Variants in SPOCK2 observed in about 807,000 individuals in gnomAD.
SPOCK2 encodes the protein SPARC (osteonectin), cwcv and kazal like domains proteoglycan 2.
In SPOCK2, 39 loss-of-function variants were observed where a neutral mutation model predicts 60.1. The observed-to-expected ratio is 0.65, with a 90% CI of 0.50 to 0.85. The LOEUF is 0.85. Among genes scored for constraint, SPOCK2 ranks in the 40% least tolerant of loss-of-function variants. SPOCK2 has a pLI of 0.00. For missense variants in SPOCK2, 523 were observed against 567.4 expected (o/e 0.92, Z 0.80); for synonymous variants, 217 against 231.5 (o/e 0.94, Z 0.57).
In SPOCK2 at chr10:72,072,483, C is replaced by G; in HGVS notation, c.244+20G>C. On this transcript the variant is annotated intron_variant, in intron 3 of 10. Coordinates refer to ENST00000373109, the MANE Select transcript of SPOCK2 (RefSeq NM_001244950.2). The stretch of plus-strand genomic sequence containing the variant: ...TTCACACGTGTCAGTCACCTTCCCC[C>G]GCCGGGAGAGTCATGTTACCTTCAT... 6.2e-7 allele frequency: 1 copy of G among 1,613,900 alleles called. No homozygotes were observed. The highest frequency in any genetic ancestry group is 8.5e-7 in the Non-Finnish European group (1 of 1,180,004).
chr10:72,087,833 C>T lies in SPOCK2; in HGVS notation c.189+307G>A, dbSNP rs995605112. On this transcript the variant is annotated intron_variant, in intron 1 of 10. Transcript: ENST00000373109. The surrounding 1 kb of genome is among the most constrained non-coding windows in gnomAD (Gnocchi z 4.7). Reference sequence around the variant, plus strand: ...GCGGCAGCCGGGGTCCGGGTCCCCCCGGCCCCGCACCCCTTCCCACTCCCG... The same window carrying T: ...GCGGCAGCCGGGGTCCGGGTCCCCCTGGCCCCGCACCCCTTCCCACTCCCG... Among the ~76,000 whole-genome samples the T allele has an allele frequency of 3.3e-5, 5 of 152,104 alleles. No homozygotes were observed. Among genetic ancestry groups the T allele is most frequent in the African/African-American group, 9.7e-5 (4 of 41,442 alleles).
At chr10:72,083,944 GGT>G (rs1375091988) in intron 1 of SPOCK2, among the ~76,000 whole-genome samples, 12 of 152,138 alleles carry the variant, frequency 7.9e-5, no homozygotes, top group African/African-American at 2.9e-4. Context: ...CAGTGGTTTA[GGT>G]GTGTGGGGTG....
chr10:72,088,468 G>A lies in SPOCK2; in HGVS notation c.-140C>T. ...CTGCCTCCGGTGACTGGCGGAGAGT[G>A]GGTCGCGGCTGAAATGTGACCTGGT... On this transcript the variant is annotated 5_prime_UTR_variant, in exon 1 of 11. Coordinates refer to ENST00000373109, the MANE Select transcript of SPOCK2 (RefSeq NM_001244950.2). 1 of 1,022,550 alleles carries A rather than the reference G, an allele frequency of 9.8e-7. No homozygotes were observed. Among genetic ancestry groups the A allele is most frequent in the Non-Finnish European group, 1.4e-6 (1 of 725,796 alleles). The allele number at this position is 1,022,550 out of a possible 1,614,324, so 63.3% of individuals were successfully genotyped here.
intron 8 of SPOCK2, 83 bp from the exon 9 acceptor site, chr10:72,064,323 A>C: frequency 1.4e-6 from 2 of 1,391,020 alleles, no homozygotes; most frequent in South Asian, 1.5e-5. Context: ...TTAGAGACCC[A>C]GGCAGGGGCT....
At chr10:72,088,580 C>T (rs1840899250), upstream of SPOCK2, 1 of 433,968 alleles carries the variant, frequency 2.3e-6, no homozygotes, top group Non-Finnish European at 4.1e-6. Flanking sequence ...GGGGCTGTAA[C>T]TGTAGCATCA....
Position 72,062,744 on chromosome 10 carries a change from C to T in SPOCK2, c.*16G>A, listed in dbSNP as rs753916237. 2.0e-5 allele frequency: 32 copies of T among 1,591,550 alleles called. No individual in the cohort carries two copies. Among genetic ancestry groups the T allele is most frequent in the East Asian group, 1.6e-4 (7 of 44,772 alleles). ...CTGCTGTTGAGTCCCCCCCGGCAGC[C>T]GGCTCCTGAGGGCGTCTACCAGATG... On this transcript the variant is annotated 3_prime_UTR_variant, in exon 11 of 11. Coordinates refer to ENST00000373109, the MANE Select transcript of SPOCK2 (RefSeq NM_001244950.2). The surrounding 1 kb of genome is among the most constrained non-coding windows in gnomAD (Gnocchi z 4.3).
rs1318862525 is a variant in SPOCK2, at chr10:72,063,183, C to T, written c.992-21G>A. 4 of 1,554,510 alleles carry T rather than the reference C, an allele frequency of 2.6e-6. No homozygotes were observed. In the African/African-American group the frequency reaches 4.1e-5, roughly 16 times the overall value. On this transcript the variant is annotated intron_variant, in intron 9 of 10. Transcript: ENST00000373109. ...GATGCCTGAATGAGACAGTGCCAGG[C>T]AGGGTCAGAGCAGGGGCCCAGGCTG...
chr10:72,079,400 G>C (rs1169366033), intron 1 of SPOCK2, among the ~76,000 whole-genome samples: 1 of 152,144 alleles, frequency 6.6e-6, no homozygotes, highest in African/African-American at 2.4e-5. Flanking sequence ...ACACCTGGGG[G>C]CCCCCGTTCT....
intron 1 of SPOCK2, among the ~76,000 whole-genome samples, chr10:72,081,908 C>A (rs961834762): frequency 1.3e-5 from 2 of 152,120 alleles, no homozygotes; most frequent in African/African-American, 2.4e-5. Context: ...TGGATGAGAT[C>A]CTGTCTGGCT....
rs985058574 is a variant in SPOCK2 at position 72,059,418 on chromosome 10, G to T, written c.*3342C>A. The T allele has an allele frequency of 1.3e-5, 2 of 152,228 alleles. No individual in the cohort carries two copies. The highest frequency in any genetic ancestry group is 4.8e-5 in the African/African-American group (2 of 41,446). 9.4% of individuals were successfully genotyped at this position (152,228 alleles called of 1,614,324 possible). ...ATTGCACATCACACAGTTTAAGCAG[G>T]CTTCAGGCTGGAAAGCAGTTTGCTC... On this transcript the variant is annotated 3_prime_UTR_variant, in exon 11 of 11. Transcript: ENST00000373109.
At position 72,062,545 on chromosome 10, in the gene SPOCK2, A is replaced by T; in HGVS notation, c.*215T>A. 1 of 853,922 alleles carries T rather than the reference A, an allele frequency of 1.2e-6. No individual in the cohort carries two copies. Among genetic ancestry groups the T allele is most frequent in the Non-Finnish European group, 1.7e-6 (1 of 574,598 alleles). 52.9% of individuals were successfully genotyped at this position (853,922 alleles called of 1,614,324 possible). On this transcript the variant is annotated 3_prime_UTR_variant, in exon 11 of 11. Transcript: ENST00000373109. The surrounding 1 kb of genome is among the most constrained non-coding windows in gnomAD (Gnocchi z 4.3). ...ACATTTGTCAGCGCATGCCACACACACACACACATACACACATGCATGCAC... is the reference window on the plus strand; with the variant it reads ...ACATTTGTCAGCGCATGCCACACACTCACACACATACACACATGCATGCAC...
intron 1 of SPOCK2, among the ~76,000 whole-genome samples, chr10:72,077,492 G>A (rs1840728266): frequency 6.6e-6 from 1 of 152,126 alleles, no homozygotes; most frequent in African/African-American, 2.4e-5. Flanking sequence ...AATCCCATGG[G>A]TGGTACCCAG....
In SPOCK2 at chr10:72,087,370, G is replaced by GCTTCTGGA. The variant is rs1308162574; in HGVS notation, c.189+762_189+769dup. On this transcript the variant is annotated intron_variant, in intron 1 of 10. Transcript: ENST00000373109. This position sits in a 1 kb window ranked among gnomAD's most constrained non-coding sequence, Gnocchi z 4.7. ...CGCCCGCCGGGGGCCCCCAAACCCA[G>GCTTCTGGA]CTTCTGGACTCTCCCCGGCTTCTCA... 8.5e-5 allele frequency among the ~76,000 whole-genome samples: 13 copies of GCTTCTGGA among 152,212 alleles called. No homozygotes were observed. Among genetic ancestry groups the GCTTCTGGA allele is most frequent in the African/African-American group, 2.9e-4 (12 of 41,544 alleles).
In SPOCK2 at chr10:72,063,045, G is replaced by T. The variant is rs564644987; in HGVS notation, c.1109C>A (p.Thr370Lys). 4 of 1,553,860 alleles carry T rather than the reference G, an allele frequency of 2.6e-6. No individual in the cohort carries two copies. Among genetic ancestry groups the T allele is most frequent in the African/African-American group, 2.7e-5 (2 of 73,254 alleles). ...CGTACCGCAGTCGGGGCTCCCATGCGTGCGCGTGCCAGTCAGCTCCAGGCC... is the reference window on the plus strand; with the variant it reads ...CGTACCGCAGTCGGGGCTCCCATGCTTGCGCGTGCCAGTCAGCTCCAGGCC... ...QLGLELTGTR[T>K]HGSPDCDDIV... The change falls in exon 10 of 11, where the codon ACG (threonine) becomes AAG (lysine). Residue 370 changes from threonine (T) to lysine (K), a missense_variant. Transcript: ENST00000373109.
chr10:72,072,634 G>A, intron 2 of SPOCK2, 86 bp from the exon 3 acceptor site: 1 of 1,579,832 alleles, frequency 6.3e-7, no homozygotes, highest in Non-Finnish European at 8.6e-7. Context: ...GAGAGGCCTG[G>A]GCCAGCGATG....
At chr10:72,083,530 T>C (rs1476297402) in intron 1 of SPOCK2, among the ~76,000 whole-genome samples, 8 of 152,260 alleles carry the variant, frequency 5.3e-5, no homozygotes, top group Admixed American at 5.2e-4. Flanking sequence ...GGTAGCCTTC[T>C]GACCTTTTTG....
At chr10:72,066,520 T>TC (rs1554820942) in intron 8 of SPOCK2, among the ~76,000 whole-genome samples, 3 of 150,664 alleles carry the variant, frequency 2.0e-5, no homozygotes, top group Non-Finnish European at 4.4e-5. Context: ...TTTTTTTTTT[T>TC]CACAGAGAGG....
rs1429460137 is a variant in SPOCK2 at position 72,061,110 on chromosome 10, T to C, written c.*1650A>G. Reference sequence around the variant, plus strand: ...AGGGCATCACAGCCCCAAGTCTGGGTAAGAAATTCTCCACCAAAGGTGTTA... The same window carrying C: ...AGGGCATCACAGCCCCAAGTCTGGGCAAGAAATTCTCCACCAAAGGTGTTA... On this transcript the variant is annotated 3_prime_UTR_variant, in exon 11 of 11. Coordinates refer to ENST00000373109, the MANE Select transcript of SPOCK2 (RefSeq NM_001244950.2). The C allele has an allele frequency of 6.5e-6, 1 of 152,772 alleles. No homozygotes were observed. Among genetic ancestry groups the C allele is most frequent in the African/African-American group, 2.4e-5 (1 of 41,460 alleles). The allele number at this position is 152,772 out of a possible 1,614,324, so 9.5% of individuals were successfully genotyped here.
At chr10:72,073,930 G>A (rs1325810988) in intron 1 of SPOCK2, among the ~76,000 whole-genome samples, 1 of 152,234 alleles carries the variant, frequency 6.6e-6, no homozygotes, top group African/African-American at 2.4e-5. Flanking sequence ...GGCAAGGAGG[G>A]GGCTTCCCAG....
Sources: gnomAD v4.1 joint callset for allele counts (sites outside exome capture counted in the v4.1 genomes callset) on GRCh38, gnomAD v4.1.1 for gene constraint, Gnocchi (gnomAD v3.1) non-coding constraint, MANE v1.5 for transcripts, NCBI Gene and HGNC (gene_info 2026-07-23, HGNC 2026-07-21) for gene names.